Variants in MLLT10 observed in about 807,000 individuals in gnomAD.
MLLT10 encodes the protein MLLT10 histone lysine methyltransferase DOT1L cofactor.
In MLLT10, 30 loss-of-function variants were observed where a neutral mutation model predicts 129.1. That is an observed-to-expected ratio of 0.23 (90% CI 0.17 to 0.32). The LOEUF (loss-of-function observed/expected upper bound fraction) is 0.32. Ranked by LOEUF, MLLT10 falls within the 10% of genes least tolerant of loss-of-function variation. The pLI, the probability that MLLT10 is intolerant of heterozygous loss-of-function variation, is 1.00. For missense variants in MLLT10, 1,119 were observed against 1,268.3 expected (o/e 0.88, Z 1.79); for synonymous variants, 490 against 446.4 (o/e 1.10, Z -1.23).
At chr10:21,650,937 C>T (rs2048958512) in intron 8 of MLLT10, among the ~76,000 whole-genome samples, 1 of 152,042 alleles carries the variant, frequency 6.6e-6, no homozygotes, top group South Asian at 2.1e-4. Context: ...TGGAGAAATT[C>T]TCATGCATGG....
intron 9 of MLLT10, among the ~76,000 whole-genome samples, chr10:21,669,245 G>C (rs1309760441): frequency 6.6e-6 from 1 of 152,026 alleles, no homozygotes; most frequent in Non-Finnish European, 1.5e-5. Flanking sequence ...CTGAGATGAT[G>C]GGGGCTGGGG....
rs1259228672 is a variant in MLLT10, at chr10:21,662,808, G to T, written c.796-7641G>T. On this transcript the variant is annotated intron_variant, in intron 9 of 22. Transcript: ENST00000307729. Reference sequence around the variant, plus strand: ...CACTATAAATAGGCCTTTAGTTAACGTGCTAGTGAATTGTGGGGAACAGGA... The same window carrying T: ...CACTATAAATAGGCCTTTAGTTAACTTGCTAGTGAATTGTGGGGAACAGGA... 2.0e-5 allele frequency among the ~76,000 whole-genome samples: 3 copies of T among 152,166 alleles called. No homozygotes were observed. In the East Asian group the frequency reaches 5.8e-4, roughly 29 times the overall value.
At chr10:21,717,382 T>C (rs1409545655) in intron 14 of MLLT10, among the ~76,000 whole-genome samples, 1 of 113,038 alleles carries the variant, frequency 8.8e-6, no homozygotes, top group Non-Finnish European at 1.7e-5. Flanking sequence ...AAGGAGATAC[T>C]TGTAAAATTG....
In MLLT10 at chr10:21,733,776, C is replaced by A. The variant is rs1368640593; in HGVS notation, c.2505C>A (p.Thr835=). 10 of 1,611,180 alleles carry A rather than the reference C, an allele frequency of 6.2e-6. No individual in the cohort carries two copies. The highest frequency in any genetic ancestry group is 8.5e-6 in the Non-Finnish European group (10 of 1,178,540). ...NSLPVLNQDL[T]SSGQSTSSSS... is the part of the protein sequence containing the mutation. Reference sequence around the variant, plus strand: ...CTTCTTTCTTACGCTAGGACTTAACCTCCAGTGGACAAAGTACCAGCAGCT... The same window carrying A: ...CTTCTTTCTTACGCTAGGACTTAACATCCAGTGGACAAAGTACCAGCAGCT... Residue 835 remains threonine (T), a synonymous_variant, in exon 20 of 23, where the codon ACC becomes ACA. Transcript: ENST00000307729.
At chr10:21,653,634 G>A (rs2049273364) in intron 9 of MLLT10, among the ~76,000 whole-genome samples, 1 of 152,100 alleles carries the variant, frequency 6.6e-6, no homozygotes, top group African/African-American at 2.4e-5. Flanking sequence ...AGCCCCTTTT[G>A]CCATGTAATA....
At chr10:21,729,647 C>G (rs895559700) in intron 16 of MLLT10, among the ~76,000 whole-genome samples, 1 of 152,206 alleles carries the variant, frequency 6.6e-6, no homozygotes, top group African/African-American at 2.4e-5. Flanking sequence ...ACCTCACCAG[C>G]AGTGTGTCTT....
chr10:21,534,212 A>C (rs1265234483), upstream of MLLT10: 3 of 393,322 alleles, frequency 7.6e-6, no homozygotes, highest in African/African-American at 2.1e-5. Context: ...CTCCTCCCTC[A>C]CGCCGGCCGC....
intron 14 of MLLT10, among the ~76,000 whole-genome samples, chr10:21,723,877 A>G (rs995830899): frequency 6.6e-6 from 1 of 152,194 alleles, no homozygotes; most frequent in African/African-American, 2.4e-5. Flanking sequence ...ACGTCAACAG[A>G]TGGGACTGGT....
chr10:21,591,489 T>C (rs2042500155), intron 4 of MLLT10, among the ~76,000 whole-genome samples: 1 of 152,188 alleles, frequency 6.6e-6, no homozygotes, highest in African/African-American at 2.4e-5. Context: ...TTATTTCTTA[T>C]TTCTCTTCTG....
intron 14 of MLLT10, among the ~76,000 whole-genome samples, chr10:21,720,126 T>C (rs2057024144): frequency 6.6e-6 from 1 of 152,184 alleles, no homozygotes; most frequent in South Asian, 2.1e-4. Flanking sequence ...CGATCATGAG[T>C]GTTCAGTGAT....
rs1251205912 is a variant in MLLT10 at position 21,742,239 on chromosome 10, T to A, written c.*256T>A. On this transcript the variant is annotated 3_prime_UTR_variant, in exon 23 of 23. Transcript: ENST00000307729. ...ATGGAAAGAAAATTTAATAACTTTTTAAAGTGACATAATTTACATGCAATA... is the reference window on the plus strand; with the variant it reads ...ATGGAAAGAAAATTTAATAACTTTTAAAAGTGACATAATTTACATGCAATA... 1 of 390,244 alleles carries A rather than the reference T, an allele frequency of 2.6e-6. No individual in the cohort carries two copies. The highest frequency in any genetic ancestry group is 2.1e-5 in the African/African-American group (1 of 48,710). 24.2% of individuals were successfully genotyped at this position (390,244 alleles called of 1,614,324 possible).
At chr10:21,696,076 A>T (rs956545972) in intron 13 of MLLT10, among the ~76,000 whole-genome samples, 9 of 151,620 alleles carry the variant, frequency 5.9e-5, no homozygotes, top group African/African-American at 2.2e-4. Context: ...ACAAGGTCTC[A>T]TCTCTTTTCC....
intron 9 of MLLT10, among the ~76,000 whole-genome samples, chr10:21,664,266 T>C (rs1280086238): frequency 6.6e-6 from 1 of 152,020 alleles, no homozygotes; most frequent in Non-Finnish European, 1.5e-5. Flanking sequence ...ACATGGATTA[T>C]CTTGTTAAAC....
At chr10:21,591,170 A>G (rs1225781978) in intron 4 of MLLT10, among the ~76,000 whole-genome samples, 5 of 151,846 alleles carry the variant, frequency 3.3e-5, no homozygotes, top group African/African-American at 4.8e-5. Flanking sequence ...CGATCCTCCT[A>G]CCTTAGCCCC....
At chr10:21,717,629 C>T (rs1176814920) in intron 14 of MLLT10, among the ~76,000 whole-genome samples, 7 of 129,404 alleles carry the variant, frequency 5.4e-5, no homozygotes, top group Admixed American at 2.3e-4. Context: ...CTTCCTCCTC[C>T]TCCTCCTCCT....
intron 6 of MLLT10, among the ~76,000 whole-genome samples, chr10:21,614,121 G>A (rs1458888873): frequency 1.3e-5 from 2 of 150,938 alleles, no homozygotes; most frequent in Non-Finnish European, 2.9e-5. Context: ...GGGAGGCTGA[G>A]GTGGGAGGAT....
At chr10:21,721,483 A>T (rs1232515203) in intron 14 of MLLT10, among the ~76,000 whole-genome samples, 1 of 152,118 alleles carries the variant, frequency 6.6e-6, no homozygotes, top group African/African-American at 2.4e-5. Context: ...CTTTAGCATG[A>T]GCCAAGTTCC....
At chr10:21,731,170 TTA>T in intron 17 of MLLT10, 116 bp downstream of exon 17, 1 of 950,754 alleles carries the variant, frequency 1.1e-6, no homozygotes, top group South Asian at 1.6e-5. Flanking sequence ...GATATACATT[TTA>T]TATAATACAG....
At chr10:21,734,247 A>T (rs184804869) in intron 20 of MLLT10, 118 bp downstream of exon 20, 2 of 1,214,388 alleles carry the variant, frequency 1.6e-6, no homozygotes, top group Non-Finnish European at 2.3e-6. Context: ...AAGTCTGCCA[A>T]AAATTTTAAG....
Sources: gnomAD v4.1 joint callset for allele counts (sites outside exome capture counted in the v4.1 genomes callset) on GRCh38, gnomAD v4.1.1 for gene constraint, MANE v1.5 for transcripts, NCBI Gene and HGNC (gene_info 2026-07-23, HGNC 2026-07-21) for gene names.